The following DRD2 variants were observed in gnomAD, a reference collection of about 807,000 sequenced individuals.
The protein encoded by DRD2 is dopamine receptor D2, also known as D(2) dopamine receptor.
DRD2 carries 8 observed loss-of-function variants against 38.0 expected under a neutral mutation model. The observed-to-expected ratio is 0.21, with a 90% CI of 0.12 to 0.38. The LOEUF is 0.38. Ranked by LOEUF, DRD2 falls within the 10% of genes least tolerant of loss-of-function variation. DRD2 has a pLI of 1.00. For synonymous variants in DRD2, 230 were observed against 238.6 expected (o/e 0.96, Z 0.33); for missense variants, 403 against 607.7 (o/e 0.66, Z 3.54).
intron 1 of DRD2, among the ~76,000 whole-genome samples, chr11:113,457,663 T>G (rs1430483163): frequency 1.3e-5 from 2 of 152,190 alleles, no homozygotes; most frequent in Non-Finnish European, 2.9e-5. Context: ...AAAATTTGTC[T>G]AAGTTCTCCA....
intron 1 of DRD2, among the ~76,000 whole-genome samples, chr11:113,432,018 C>A (rs1156240720): frequency 6.6e-6 from 1 of 152,180 alleles, no homozygotes; most frequent in African/African-American, 2.4e-5. Flanking sequence ...ATGGAAGGGG[C>A]TGCTTTCCCA....
At chr11:113,456,399 A>G (rs927356078) in intron 1 of DRD2, among the ~76,000 whole-genome samples, 3 of 152,198 alleles carry the variant, frequency 2.0e-5, no homozygotes, top group Non-Finnish European at 4.4e-5. Flanking sequence ...CAAAATTGCT[A>G]AAAGAATGAA....
intron 4 of DRD2, among the ~76,000 whole-genome samples, chr11:113,416,141 T>C (rs1950823424): frequency 6.6e-6 from 1 of 152,218 alleles, no homozygotes; most frequent in South Asian, 2.1e-4. Flanking sequence ...TGTGCATTAA[T>C]CCAAGTATGT....
intron 1 of DRD2, among the ~76,000 whole-genome samples, chr11:113,444,525 G>T (rs1951124624): frequency 6.6e-6 from 1 of 152,182 alleles, no homozygotes; most frequent in Non-Finnish European, 1.5e-5. Context: ...TGACTGGCCA[G>T]CATATCAGCT....
At chr11:113,465,543 TAA>T (rs1452166394) in intron 1 of DRD2, among the ~76,000 whole-genome samples, 1 of 152,192 alleles carries the variant, frequency 6.6e-6, no homozygotes, top group Non-Finnish European at 1.5e-5. Context: ...GTCTCCTACA[TAA>T]GACTTCAAGG....
intron 1 of DRD2, among the ~76,000 whole-genome samples, chr11:113,465,562 G>C (rs1951360704): frequency 6.6e-6 from 1 of 152,130 alleles, no homozygotes; most frequent in South Asian, 2.1e-4. Flanking sequence ...AAGGTTCATA[G>C]TCAGGCCCCT....
chr11:113,443,278 C>A (rs1275964842), intron 1 of DRD2, among the ~76,000 whole-genome samples: 10 of 152,156 alleles, frequency 6.6e-5, no homozygotes, highest in African/African-American at 1.4e-4. Flanking sequence ...TATTCCTCTT[C>A]AATTTCATAG....
At chr11:113,466,402 A>G (rs989144068) in intron 1 of DRD2, among the ~76,000 whole-genome samples, 1 of 148,186 alleles carries the variant, frequency 6.7e-6, no homozygotes, top group Non-Finnish European at 1.5e-5. Flanking sequence ...GAACAAACAC[A>G]CCTGTGTATG....
At chr11:113,436,898 C>T (rs980917255) in intron 1 of DRD2, among the ~76,000 whole-genome samples, 1 of 152,162 alleles carries the variant, frequency 6.6e-6, no homozygotes, top group Non-Finnish European at 1.5e-5. Context: ...AGTCTGGCTG[C>T]CAGACTCTCC....
At chr11:113,432,953 G>A (rs1056645203) in intron 1 of DRD2, among the ~76,000 whole-genome samples, 2 of 152,200 alleles carry the variant, frequency 1.3e-5, no homozygotes, top group African/African-American at 4.8e-5. Context: ...CTCAGCAGAT[G>A]GCAGAGGAAA....
Position 113,418,156 on chromosome 11 carries a change from A to T in DRD2, c.286-20T>A. 1 of 1,585,038 alleles carries T rather than the reference A, an allele frequency of 6.3e-7. No homozygotes were observed. The highest frequency in any genetic ancestry group is 1.1e-5 in the South Asian group (1 of 90,530). ...TACCACCTGGGGACAAAGCAACATAATGGATGGACAGCAGGAGTGGGAGAT... is the reference window on the plus strand; with the variant it reads ...TACCACCTGGGGACAAAGCAACATATTGGATGGACAGCAGGAGTGGGAGAT... On this transcript the variant is annotated intron_variant, in intron 2 of 7. Coordinates refer to ENST00000362072, the MANE Select transcript of DRD2 (RefSeq NM_000795.4).
At chr11:113,418,210 T>G in intron 2 of DRD2, 74 bp from the exon 3 acceptor site, 2 of 1,266,342 alleles carry the variant, frequency 1.6e-6, no homozygotes, top group Non-Finnish European at 1.1e-6. Flanking sequence ...CTGGTACTCC[T>G]GGAGCCGATG....
At chr11:113,469,907 A>G (rs1283147668) in intron 1 of DRD2, among the ~76,000 whole-genome samples, 1 of 152,216 alleles carries the variant, frequency 6.6e-6, no homozygotes, top group African/African-American at 2.4e-5. Context: ...AAGGGTTCCT[A>G]TTTCACAGAG....
At chr11:113,434,744 TG>T (rs1951019839) in intron 1 of DRD2, among the ~76,000 whole-genome samples, 1 of 152,010 alleles carries the variant, frequency 6.6e-6, no homozygotes, top group Non-Finnish European at 1.5e-5. Flanking sequence ...CAGCACCCTG[TG>T]GGAGGGAAGT....
At chr11:113,470,089 T>C (rs1163517475) in intron 1 of DRD2, among the ~76,000 whole-genome samples, 2 of 152,186 alleles carry the variant, frequency 1.3e-5, no homozygotes, top group Admixed American at 6.5e-5. Context: ...ACTAAGCCAC[T>C]TTCCCATATC....
intron 1 of DRD2, among the ~76,000 whole-genome samples, chr11:113,436,532 T>G (rs1406989657): frequency 6.6e-6 from 1 of 152,220 alleles, no homozygotes; most frequent in Non-Finnish European, 1.5e-5. Context: ...CTGGTGAATT[T>G]TTTTAGAGTC....
Position 113,461,270 on chromosome 11 carries a change from G to T in DRD2, c.-32+13806C>A, listed in dbSNP as rs141378631. Among the ~76,000 whole-genome samples, 789 of 152,332 alleles carry T rather than the reference G, an allele frequency of 5.2e-3. 5 individuals carry two copies. The highest frequency in any genetic ancestry group is 0.01 in the Middle Eastern group (3 of 294). Reference sequence around the variant, plus strand: ...GACTGGCCAGCTGGGCAAACTTAATGATGGGGCTCCCAGTTTCAGAGAGTG... The same window carrying T: ...GACTGGCCAGCTGGGCAAACTTAATTATGGGGCTCCCAGTTTCAGAGAGTG... On this transcript the variant is annotated intron_variant, in intron 1 of 7. Coordinates refer to ENST00000362072, the MANE Select transcript of DRD2 (RefSeq NM_000795.4).
At chr11:113,460,617 G>C (rs1350924584) in intron 1 of DRD2, among the ~76,000 whole-genome samples, 2 of 152,246 alleles carry the variant, frequency 1.3e-5, no homozygotes, top group African/African-American at 4.8e-5. Flanking sequence ...GCCTGTGGGA[G>C]CTTGGCTGCT....
intron 1 of DRD2, among the ~76,000 whole-genome samples, chr11:113,474,632 C>T (rs1299029957): frequency 2.0e-5 from 3 of 152,114 alleles, no homozygotes. Context: ...CAAAAACAGC[C>T]CTTCTTCCTC....
Sources: allele counts gnomAD v4.1 joint callset (sites outside exome capture counted in the v4.1 genomes callset), GRCh38; gene constraint gnomAD v4.1.1; transcripts MANE v1.5; gene names NCBI Gene and HGNC (gene_info 2026-07-23, HGNC 2026-07-21).